The following NCKAP5 variants were observed in gnomAD, a reference collection of about 807,000 sequenced individuals.
The protein encoded by NCKAP5 is nck-associated protein 5.
A neutral mutation model predicts 167.0 loss-of-function variants in NCKAP5; 92 were observed. That is an observed-to-expected ratio of 0.55 (90% CI 0.47 to 0.66). NCKAP5 has a LOEUF of 0.66. Ranked by LOEUF, NCKAP5 falls within the 30% of genes least tolerant of loss-of-function variation. NCKAP5 has a pLI of 0.00. For missense variants in NCKAP5, 2,378 were observed against 2,315.0 expected (o/e 1.03, Z -0.56); for synonymous variants, 891 against 877.4 (o/e 1.02, Z -0.27).
At chr2:132,770,948 T>C (rs1382514536) in intron 16 of NCKAP5, among the ~76,000 whole-genome samples, 1 of 152,152 alleles carries the variant, frequency 6.6e-6, no homozygotes, top group African/African-American at 2.4e-5. Flanking sequence ...GCTATGTGCT[T>C]CCAGTCAGAG....
intron 12 of NCKAP5, among the ~76,000 whole-genome samples, chr2:132,794,126 T>G (rs1684297347): frequency 6.6e-6 from 1 of 150,598 alleles, no homozygotes; most frequent in Non-Finnish European, 1.5e-5. Flanking sequence ...AAGTAGTTAC[T>G]ATGTGGGATC....
intron 5 of NCKAP5, among the ~76,000 whole-genome samples, chr2:133,160,575 ACAATC>A (rs1043120331): frequency 6.6e-6 from 1 of 151,956 alleles, no homozygotes. Context: ...TTTGGGATTT[ACAATC>A]CAACCCATAA....
intron 5 of NCKAP5, among the ~76,000 whole-genome samples, chr2:133,167,435 A>G (rs1158158357): frequency 6.6e-6 from 1 of 152,202 alleles, no homozygotes; most frequent in African/African-American, 2.4e-5. Flanking sequence ...TACGTTCACA[A>G]AGTTCTTTAG....
intron 3 of NCKAP5, among the ~76,000 whole-genome samples, chr2:133,423,953 T>C (rs1689636368): frequency 6.6e-6 from 1 of 152,222 alleles, no homozygotes; most frequent in African/African-American, 2.4e-5. Context: ...AAAGCAAGAC[T>C]AATTTCTCCA....
At chr2:133,315,098 T>C (rs907742033) in intron 3 of NCKAP5, among the ~76,000 whole-genome samples, 2 of 152,082 alleles carry the variant, frequency 1.3e-5, no homozygotes, top group South Asian at 2.1e-4. Context: ...TAGGGAACAA[T>C]TGCAGTGGGA....
chr2:132,972,938 A>T (rs2076877693), intron 7 of NCKAP5, among the ~76,000 whole-genome samples: 1 of 152,102 alleles, frequency 6.6e-6, no homozygotes, highest in Non-Finnish European at 1.5e-5. Context: ...AAAGAGAGAA[A>T]TCTGCCCATC....
chr2:133,224,418 A>G (rs2086794438), intron 4 of NCKAP5, among the ~76,000 whole-genome samples: 1 of 152,200 alleles, frequency 6.6e-6, no homozygotes, highest in African/African-American at 2.4e-5. Flanking sequence ...AACTAATCGC[A>G]TGTTCCAGAT....
chr2:132,894,991 C>G (rs1024304434), intron 8 of NCKAP5, among the ~76,000 whole-genome samples: 1 of 152,134 alleles, frequency 6.6e-6, no homozygotes, highest in African/African-American at 2.4e-5. Flanking sequence ...CTTGGGAAAC[C>G]CTTTGACTTG....
chr2:133,520,205 A>G (rs1245854102), intron 2 of NCKAP5, among the ~76,000 whole-genome samples: 1 of 152,184 alleles, frequency 6.6e-6, no homozygotes, highest in African/African-American at 2.4e-5. Flanking sequence ...AAATATAAAA[A>G]TAAAAATAAA....
At chr2:133,069,314 C>G (rs962620766) in intron 6 of NCKAP5, among the ~76,000 whole-genome samples, 14 of 152,142 alleles carry the variant, frequency 9.2e-5, no homozygotes, top group African/African-American at 2.7e-4. Context: ...TTTCTAAGCC[C>G]CTTTCCTAAC....
intron 6 of NCKAP5, among the ~76,000 whole-genome samples, chr2:133,063,245 A>G (rs2080072758): frequency 6.6e-6 from 1 of 152,224 alleles, no homozygotes; most frequent in Non-Finnish European, 1.5e-5. Context: ...TAGGAATGAA[A>G]TGGAGACATG....
At chr2:132,734,246 C>A (rs1691302676) in intron 16 of NCKAP5, among the ~76,000 whole-genome samples, 1 of 152,190 alleles carries the variant, frequency 6.6e-6, no homozygotes. Context: ...GGAGGCACTG[C>A]CAGATGAGTC....
chr2:132,725,903 C>A (rs1049619613), intron 18 of NCKAP5, 144 bp from the exon 19 acceptor site: 5 of 850,136 alleles, frequency 5.9e-6, no homozygotes, highest in Admixed American at 3.2e-5. Context: ...GCCGCTCACC[C>A]GAGAGCAACT....
intron 16 of NCKAP5, among the ~76,000 whole-genome samples, chr2:132,767,325 C>T (rs1681590947): frequency 6.6e-6 from 1 of 152,144 alleles, no homozygotes. Context: ...CGGCTCACCG[C>T]AACCTCCGCC....
At chr2:133,495,291 T>C (rs1197888120) in intron 3 of NCKAP5, among the ~76,000 whole-genome samples, 1 of 152,174 alleles carries the variant, frequency 6.6e-6, no homozygotes, top group African/African-American at 2.4e-5. Flanking sequence ...TTCTCACTCA[T>C]TTTTGGCTCA....
intron 11 of NCKAP5, among the ~76,000 whole-genome samples, chr2:132,859,388 T>C (rs1282276316): frequency 6.6e-6 from 1 of 152,084 alleles, no homozygotes; most frequent in Non-Finnish European, 1.5e-5. Flanking sequence ...GTCTGGATCA[T>C]TTGGAAAAAT....
At position 132,976,941 on chromosome 2, in the gene NCKAP5, T is replaced by C. The variant is rs182566435; in HGVS notation, c.430-13072A>G. ...AATAGTTATATATCTTCTAAGCTTA[T>C]TAAAATGAACTGATTAAAAAGCAAC... is the stretch of plus-strand genomic sequence containing the variant. On this transcript the variant is annotated intron_variant, in intron 7 of 19. Coordinates refer to ENST00000409261, the MANE Select transcript of NCKAP5 (RefSeq NM_207363.3). Among the ~76,000 whole-genome samples the C allele has an allele frequency of 1.8e-3, 268 of 152,290 alleles. 3 individuals carry two copies. The highest frequency in any genetic ancestry group is 2.8e-4 in the Non-Finnish European group (19 of 68,018).
In NCKAP5 at chr2:133,345,180, C is replaced by T. The variant is rs561815381; in HGVS notation, c.70-42070G>A. 5.3e-5 allele frequency among the ~76,000 whole-genome samples: 8 copies of T among 152,174 alleles called. No individual in the cohort carries two copies. The South Asian group carries it at 1.7e-3, about 32-fold the overall frequency. On this transcript the variant is annotated intron_variant, in intron 3 of 19. Coordinates refer to ENST00000409261, the MANE Select transcript of NCKAP5 (RefSeq NM_207363.3). The stretch of plus-strand genomic sequence containing the variant: ...TAAAAGATAACCCATTTTCACCACC[C>T]GGGAAATGAGGAGCACCTCTGCCCA...
intron 6 of NCKAP5, among the ~76,000 whole-genome samples, chr2:133,086,963 A>G (rs2081013719): frequency 6.6e-6 from 1 of 152,184 alleles, no homozygotes; most frequent in Non-Finnish European, 1.5e-5. Context: ...GCTTGAGTAA[A>G]TTTTTAAAAA....
Sources: gnomAD v4.1 joint callset for allele counts (sites outside exome capture counted in the v4.1 genomes callset) on GRCh38, gnomAD v4.1.1 for gene constraint, MANE v1.5 for transcripts, NCBI Gene and HGNC (gene_info 2026-07-23, HGNC 2026-07-21) for gene names.